MLIP: variants seen among roughly 807,000 people sequenced by gnomAD.
MLIP encodes muscular LMNA-interacting protein.
A neutral mutation model predicts 84.8 loss-of-function variants in MLIP; 79 were observed. That is an observed-to-expected ratio of 0.93 (90% CI 0.78 to 1.12). The LOEUF (loss-of-function observed/expected upper bound fraction) is 1.12, where lower values mean the gene tolerates loss of function less well. MLIP is among the 50% of genes most tolerant of loss of function. The pLI, the probability that MLIP is intolerant of heterozygous loss-of-function variation, is 0.00. For synonymous variants in MLIP, 504 were observed against 463.0 expected (o/e 1.09, Z -1.14); for missense variants, 1,257 against 1,160.6 (o/e 1.08, Z -1.21).
intron 12 of MLIP, among the ~76,000 whole-genome samples, chr6:54,251,547 A>G (rs139563735): frequency 1.2e-3 from 120 of 100,120 alleles, no homozygotes; most frequent in Middle Eastern, 5.4e-3. Flanking sequence ...AATATATAGT[A>G]TATATAGTAA....
intron 11 of MLIP, among the ~76,000 whole-genome samples, chr6:54,222,956 T>C (rs1389142787): frequency 6.6e-6 from 1 of 152,080 alleles, no homozygotes; most frequent in Non-Finnish European, 1.5e-5. Context: ...ATTTCCCTGA[T>C]GACTAGTGAT....
At chr6:54,227,912 A>G (rs1337605574) in intron 11 of MLIP, among the ~76,000 whole-genome samples, 1 of 152,124 alleles carries the variant, frequency 6.6e-6, no homozygotes, top group East Asian at 1.9e-4. Context: ...GGCCGGGCGC[A>G]GTGGCTCACG....
intron 1 of MLIP, among the ~76,000 whole-genome samples, chr6:54,021,685 A>T (rs139671103): frequency 1.8e-4 from 28 of 152,296 alleles, no homozygotes; most frequent in African/African-American, 5.1e-4. Context: ...CTGTTTGCTG[A>T]TTAAAAGATT....
intron 1 of MLIP, among the ~76,000 whole-genome samples, chr6:54,044,935 A>C (rs1764951228): frequency 6.6e-6 from 1 of 152,232 alleles, no homozygotes; most frequent in Non-Finnish European, 1.5e-5. Flanking sequence ...ATTGAAGTTT[A>C]ATATTTGATA....
At chr6:54,131,846 T>G (rs1326532930) in intron 3 of MLIP, among the ~76,000 whole-genome samples, 2 of 152,218 alleles carry the variant, frequency 1.3e-5, no homozygotes, top group African/African-American at 4.8e-5. Context: ...TAATTTGGGC[T>G]GTTTTCAGCT....
At chr6:54,123,325 C>A (rs1770630684) in intron 2 of MLIP, among the ~76,000 whole-genome samples, 1 of 151,974 alleles carries the variant, frequency 6.6e-6, no homozygotes, top group African/African-American at 2.4e-5. Flanking sequence ...ATATAGCTTA[C>A]TTGTTATCGG....
chr6:54,155,842 C>T (rs1773967717), intron 5 of MLIP, among the ~76,000 whole-genome samples: 1 of 152,030 alleles, frequency 6.6e-6, no homozygotes, highest in African/African-American at 2.4e-5. Context: ...CACTTCTGAA[C>T]AAACTACCAA....
At chr6:54,117,729 G>C (rs540138073) in intron 1 of MLIP, among the ~76,000 whole-genome samples, 1 of 151,174 alleles carries the variant, frequency 6.6e-6, no homozygotes, top group Non-Finnish European at 1.5e-5. Context: ...GGCGGATCAC[G>C]AGATCAGGAG....
chr6:54,238,521 A>G (rs1781511831), intron 12 of MLIP, among the ~76,000 whole-genome samples: 1 of 152,142 alleles, frequency 6.6e-6, no homozygotes, highest in Non-Finnish European at 1.5e-5. Flanking sequence ...GTTATCACTT[A>G]TTGTTTTCTC....
At chr6:54,212,883 TTTA>T (rs1779563395) in intron 11 of MLIP, among the ~76,000 whole-genome samples, 2 of 152,224 alleles carry the variant, frequency 1.3e-5, no homozygotes, top group African/African-American at 2.4e-5. Context: ...TAAGTTACCT[TTTA>T]TTTCTTTTTC....
intron 12 of MLIP, among the ~76,000 whole-genome samples, chr6:54,234,544 A>G (rs180940796): frequency 7.9e-5 from 12 of 152,274 alleles, no homozygotes; most frequent in Admixed American, 7.2e-4. Flanking sequence ...ATGATGCTGC[A>G]AATCTATCAG....
intron 11 of MLIP, among the ~76,000 whole-genome samples, chr6:54,227,865 A>G (rs1327853067): frequency 6.6e-6 from 1 of 152,138 alleles, no homozygotes; most frequent in African/African-American, 2.4e-5. Context: ...AAAACCAAAA[A>G]AATGTAAGAC....
At chr6:54,205,297 T>C (rs1480812258) in intron 11 of MLIP, among the ~76,000 whole-genome samples, 1 of 152,234 alleles carries the variant, frequency 6.6e-6, no homozygotes, top group East Asian at 1.9e-4. Flanking sequence ...TCTCTTACAC[T>C]GCTGCCACAG....
chr6:54,124,611 C>A lies in MLIP; in HGVS notation c.391C>A (p.Gln131Lys), dbSNP rs764062611. ...EFEANKLQGM[Q>K]QSDLFKAEYV... ...CGAAGCAAACAAACTTCAAGGGATG[C>A]AGCAAAGTGACCTCTTCAAAGCTGA... is the stretch of plus-strand genomic sequence containing the variant. Residue 131 changes from glutamine (Q) to lysine (K), a missense_variant, in exon 3 of 14, where the codon CAG becomes AAG. Physicochemically the swap from Gln to Lys is moderately conservative, Grantham distance 53. Transcript: ENST00000502396. 7.4e-6 allele frequency: 12 copies of A among 1,614,074 alleles called. No individual in the cohort carries two copies. In the African/African-American group the frequency reaches 1.6e-4, roughly 22 times the overall value.
At chr6:54,150,547 C>T in intron 5 of MLIP, among the ~76,000 whole-genome samples, 1 of 152,192 alleles carries the variant, frequency 6.6e-6, no homozygotes, top group East Asian at 1.9e-4. Flanking sequence ...GGGAGAATCA[C>T]TCTCCATCAG....
chr6:54,219,286 T>G (rs1380604498), intron 11 of MLIP, among the ~76,000 whole-genome samples: 1 of 151,400 alleles, frequency 6.6e-6, no homozygotes, highest in Non-Finnish European at 1.5e-5. Context: ...AAAAATATTT[T>G]TTATTTATAT....
At chr6:54,256,308 C>T (rs1309569276) in intron 12 of MLIP, among the ~76,000 whole-genome samples, 1 of 152,172 alleles carries the variant, frequency 6.6e-6, no homozygotes, top group South Asian at 2.1e-4. Context: ...AGGTTAGAGT[C>T]TTCCCCTGGG....
At chr6:54,118,152 C>T (rs1770121043) in intron 1 of MLIP, among the ~76,000 whole-genome samples, 2 of 152,196 alleles carry the variant, frequency 1.3e-5, no homozygotes, top group South Asian at 4.1e-4. Context: ...TGACATTCTT[C>T]ACAGAATTAA....
At chr6:54,043,727 G>GT (rs201702292) in intron 1 of MLIP, among the ~76,000 whole-genome samples, 2,087 of 152,326 alleles carry the variant, frequency 0.014, 52 homozygotes, top group African/African-American at 0.047. Flanking sequence ...TGTGAAAGAA[G>GT]TTGGGAGTGA....
Sources: allele counts gnomAD v4.1 joint callset (sites outside exome capture counted in the v4.1 genomes callset), GRCh38; gene constraint gnomAD v4.1.1; transcripts MANE v1.5; gene names NCBI Gene and HGNC (gene_info 2026-07-23, HGNC 2026-07-21).